PCDHGA4: variants seen among roughly 807,000 people sequenced by gnomAD.
PCDHGA4 encodes the protein protocadherin gamma-A4.
Under a neutral mutation model 54.6 loss-of-function variants are expected in PCDHGA4, and 38 were observed. That is an observed-to-expected ratio of 0.70 (90% CI 0.54 to 0.91). PCDHGA4 has a LOEUF of 0.91. Ranked by LOEUF, PCDHGA4 falls within the 40% of genes least tolerant of loss-of-function variation. The probability of loss-of-function intolerance (pLI) is 0.00; values close to 1 mark genes in which losing one functional copy is unlikely to be tolerated. For missense variants in PCDHGA4, 1,298 were observed against 1,220.9 expected, an observed-to-expected ratio of 1.06 and a Z score of -0.94; for synonymous variants, 511 against 512.9, an observed-to-expected ratio of 1.00 and a Z score of 0.05.
In PCDHGA4 at chr5:141,490,108, C is replaced by A; in HGVS notation, c.2515-4699C>A. The A allele has an allele frequency of 6.2e-7, 1 of 1,614,244 alleles. No homozygotes were observed. The highest frequency in any genetic ancestry group is 8.5e-7 in the Non-Finnish European group (1 of 1,180,034). On this transcript the variant is annotated intron_variant, in intron 1 of 3. Transcript: ENST00000571252. This position sits in a 1 kb window ranked among gnomAD's most constrained non-coding sequence, Gnocchi z 5.4. The stretch of plus-strand genomic sequence containing the variant: ...TGGAGACCACACATCTGAGGCAGTG[C>A]GGAACCTCTTTGGCCTAGACCCTAG...
rs1253223100 is a variant in PCDHGA4 at position 141,493,049 on chromosome 5, T to C, written c.2515-1758T>C. Among the ~76,000 whole-genome samples the C allele has an allele frequency of 6.6e-6, 1 of 152,188 alleles. No homozygotes were observed. Among genetic ancestry groups the C allele is most frequent in the Non-Finnish European group, 1.5e-5 (1 of 68,032 alleles). Reference sequence around the variant, plus strand: ...GCCCTTATGTGTGAGGAAACTACAATAGTAAAAAACACAAGTTTCTCCAAC... The same window carrying C: ...GCCCTTATGTGTGAGGAAACTACAACAGTAAAAAACACAAGTTTCTCCAAC... On this transcript the variant is annotated intron_variant, in intron 1 of 3. Transcript: ENST00000571252. This position sits in a 1 kb window ranked among gnomAD's most constrained non-coding sequence, Gnocchi z 4.3.
At chr5:141,480,726 G>A (rs2099524533) in intron 1 of PCDHGA4, among the ~76,000 whole-genome samples, 1 of 152,138 alleles carries the variant, frequency 6.6e-6, no homozygotes, top group Non-Finnish European at 1.5e-5. Context: ...CACAGTCTCT[G>A]GGGGTGGGAC....
chr5:141,421,077 A>G (rs975269359), intron 1 of PCDHGA4: 1 of 619,100 alleles, frequency 1.6e-6, no homozygotes, highest in Non-Finnish European at 2.7e-6. Context: ...TGAGATGGAT[A>G]CTCACAGATC....
chr5:141,430,992 A>G (rs1223969128), intron 1 of PCDHGA4: 2 of 1,613,824 alleles, frequency 1.2e-6, no homozygotes, highest in Admixed American at 3.3e-5. Context: ...TTCGCCCTGA[A>G]TCCGCGCAGC....
intron 1 of PCDHGA4, chr5:141,389,391 G>A (rs544096177): frequency 1.2e-6 from 2 of 1,613,686 alleles, no homozygotes; most frequent in East Asian, 2.2e-5. Flanking sequence ...GTCATCCTAC[G>A]TGTCCATAAG....
At chr5:141,421,065 A>C in intron 1 of PCDHGA4, 1 of 591,556 alleles carries the variant, frequency 1.7e-6, no homozygotes. Flanking sequence ...CACAAAGCGG[A>C]ATGAGATGGA....
At position 141,487,577 on chromosome 5, in the gene PCDHGA4, C is replaced by T; in HGVS notation, c.2515-7230C>T. 1 of 1,614,150 alleles carries T rather than the reference C, an allele frequency of 6.2e-7. No homozygotes were observed. Among genetic ancestry groups the T allele is most frequent in the Non-Finnish European group, 8.5e-7 (1 of 1,180,024 alleles). On this transcript the variant is annotated intron_variant, in intron 1 of 3. Transcript: ENST00000571252. This position sits in a 1 kb window ranked among gnomAD's most constrained non-coding sequence, Gnocchi z 5.0. ...ACCTATGGCAGGGGAGCCTGTTCGCCCAAGCTGCCCACCCTCTGATCTTCT... is the reference window on the plus strand; with the variant it reads ...ACCTATGGCAGGGGAGCCTGTTCGCTCAAGCTGCCCACCCTCTGATCTTCT...
At position 141,490,118 on chromosome 5, in the gene PCDHGA4, T is replaced by G. The variant is rs1448768968; in HGVS notation, c.2515-4689T>G. The G allele has an allele frequency of 6.2e-7, 1 of 1,614,158 alleles. No individual in the cohort carries two copies. Among genetic ancestry groups the G allele is most frequent in the Non-Finnish European group, 8.5e-7 (1 of 1,180,048 alleles). On this transcript the variant is annotated intron_variant, in intron 1 of 3. Transcript: ENST00000571252. This position sits in a 1 kb window ranked among gnomAD's most constrained non-coding sequence, Gnocchi z 5.4. ...ACATCTGAGGCAGTGCGGAACCTCT[T>G]TGGCCTAGACCCTAGCAGTGGGGCA...
chr5:141,508,829 C>G (rs370074494), intron 3 of PCDHGA4, among the ~76,000 whole-genome samples: 10 of 152,240 alleles, frequency 6.6e-5, no homozygotes, highest in Middle Eastern at 3.4e-3. Context: ...TCTGGGCCCC[C>G]CTCCCCTACC....
chr5:141,395,093 C>T (rs1372671941), intron 1 of PCDHGA4: 1 of 1,614,158 alleles, frequency 6.2e-7, no homozygotes, highest in Non-Finnish European at 8.5e-7. Flanking sequence ...TCTCCCTCAC[C>T]GCCGACTCGC....
Position 141,427,654 on chromosome 5 carries a change from TCCACGTGGC to T in PCDHGA4, c.2515-67151_2515-67143del, listed in dbSNP as rs562748605. On this transcript the variant is annotated intron_variant, in intron 1 of 3. Coordinates refer to ENST00000571252, the MANE Select transcript of PCDHGA4 (RefSeq NM_018917.4). ...GTTTTCCACCAAGTCTCCTACGTGG[TCCACGTGGC>T]CGAAAACAACCTTCCCGGAGCCTCC... 2.0e-4 allele frequency: 148 copies of T among 727,622 alleles called. No individual in the cohort carries two copies. The African/African-American group carries it at 2.4e-3, about 12-fold the overall frequency. The allele number at this position is 727,622 out of a possible 1,614,324, so 45.1% of individuals were successfully genotyped here.
chr5:141,443,288 C>T (rs2098378643), intron 1 of PCDHGA4, among the ~76,000 whole-genome samples: 1 of 150,180 alleles, frequency 6.7e-6, no homozygotes, highest in Non-Finnish European at 1.5e-5. Context: ...TGAGACCAGC[C>T]TGGACAGCAT....
intron 1 of PCDHGA4, among the ~76,000 whole-genome samples, chr5:141,470,205 G>T (rs934926584): frequency 6.6e-6 from 1 of 152,094 alleles, no homozygotes; most frequent in Non-Finnish European, 1.5e-5. Flanking sequence ...AAATATGAAG[G>T]CTAAACCATT....
chr5:141,499,921 C>A, intron 2 of PCDHGA4, among the ~76,000 whole-genome samples: 1 of 152,128 alleles, frequency 6.6e-6, no homozygotes, highest in Middle Eastern at 3.2e-3. Context: ...CTCCTGGCCT[C>A]AAGTGATCCA....
rs775284049 is a variant in PCDHGA4 at position 141,431,448 on chromosome 5, T to C, written c.2515-63359T>C. On this transcript the variant is annotated intron_variant, in intron 1 of 3. Coordinates refer to ENST00000571252, the MANE Select transcript of PCDHGA4 (RefSeq NM_018917.4). The surrounding 1 kb of genome is among the most constrained non-coding windows in gnomAD (Gnocchi z 4.8). ...CGCACAGGCACCGCGCGCATCCGCG[T>C]GATGGTTCTGGATGCGAACGACAAC... 2.5e-6 allele frequency: 4 copies of C among 1,613,706 alleles called. No individual in the cohort carries two copies. The South Asian group carries it at 4.4e-5, about 18-fold the overall frequency.
At chr5:141,457,791 A>G (rs554446263) in intron 1 of PCDHGA4, among the ~76,000 whole-genome samples, 1 of 152,318 alleles carries the variant, frequency 6.6e-6, no homozygotes, top group South Asian at 2.1e-4. Flanking sequence ...GAGTTGGGTT[A>G]TCCTCTCCTC....
At chr5:141,398,955 A>G in intron 1 of PCDHGA4, 6 of 1,613,966 alleles carry the variant, frequency 3.7e-6, no homozygotes, top group Non-Finnish European at 5.1e-6. Context: ...TCAACTCAGA[A>G]ATTACTTATT....
chr5:141,395,797 A>G (rs56946131), intron 1 of PCDHGA4: 16,957 of 151,702 alleles, frequency 0.11, 1,119 homozygotes, highest in African/African-American at 0.18. Flanking sequence ...ACTTCTTACC[A>G]TCCTTCAAAA....
At chr5:141,370,623 G>T (rs1269464778) in intron 1 of PCDHGA4, 3 of 1,613,940 alleles carry the variant, frequency 1.9e-6, no homozygotes, top group African/African-American at 1.3e-5. Flanking sequence ...ATTCTTTACC[G>T]TGAGCCCCGA....
Sources: allele counts gnomAD v4.1 joint callset (sites outside exome capture counted in the v4.1 genomes callset), GRCh38; gene constraint gnomAD v4.1.1; non-coding constraint Gnocchi (gnomAD v3.1); transcripts MANE v1.5; gene names NCBI Gene and HGNC (gene_info 2026-07-23, HGNC 2026-07-21).